Variants in GGA1 observed in about 807,000 individuals in gnomAD.
GGA1 encodes the protein golgi associated, gamma adaptin ear containing, ARF binding protein 1.
In GGA1, 18 loss-of-function variants were observed where a neutral mutation model predicts 76.9. The ratio of observed to expected loss-of-function variants is 0.23; its 90% CI spans 0.16 to 0.35. GGA1 has a LOEUF of 0.35. Among genes scored for constraint, GGA1 ranks in the 10% least tolerant of loss-of-function variants. The pLI is 1.00. For missense variants in GGA1, 755 were observed against 859.0 expected, an observed-to-expected ratio of 0.88 and a Z score of 1.51; for synonymous variants, 342 against 354.7, an observed-to-expected ratio of 0.96 and a Z score of 0.40.
rs140224433 is a variant in GGA1, at chr22:37,618,534, C to T, written c.291C>T (p.Val97=). ...GCTTTCTCAACGAGCTCATCAAGGT[C>T]GTGTCTCCCAAGGTTGGTGCCCCCA... is the stretch of plus-strand genomic sequence containing the variant. ...KFRFLNELIK[V]VSPKYLGSRT... The change falls in exon 4 of 17, where the codon GTC becomes GTT. Residue 97 remains valine (V), a synonymous_variant. Transcript: ENST00000343632. 1.9e-6 allele frequency: 3 copies of T among 1,609,016 alleles called. No homozygotes were observed. The highest frequency in any genetic ancestry group is 2.6e-6 in the Non-Finnish European group (3 of 1,175,384).
Position 37,617,826 on chromosome 22 carries a change from A to G in GGA1, c.205-622A>G, listed in dbSNP as rs368665479. On this transcript the variant is annotated intron_variant, in intron 3 of 16. Coordinates refer to ENST00000343632, the MANE Select transcript of GGA1 (RefSeq NM_013365.5). ...GGTGTTGCCTATATAAGGTTTTTTT[A>G]AAAAAGGAAAAATAGGCCGGGCTGG... The G allele has an allele frequency of 1.3e-4, 117 of 920,566 alleles. 2 individuals are homozygous for G. The South Asian group carries it at 5.0e-3, about 39-fold the overall frequency. 57.0% of individuals were successfully genotyped at this position (920,566 alleles called of 1,614,324 possible). A position where few individuals can be genotyped will look rare whatever the true frequency, so the allele number is the denominator to read the frequency against.
At position 37,624,929 on chromosome 22, in the gene GGA1, C is replaced by T; in HGVS notation, c.833-40C>T. On this transcript the variant is annotated intron_variant, in intron 9 of 16. Transcript: ENST00000343632. This position sits in a 1 kb window ranked among gnomAD's most constrained non-coding sequence, Gnocchi z 4.3. ...GTCCCCTGCCGCCCAGAGGCCCCCA[C>T]AGTCCTTCAGCCTGGCCTCTCCCCT... is the stretch of plus-strand genomic sequence containing the variant. 6.5e-7 allele frequency: 1 copy of T among 1,548,182 alleles called. No homozygotes were observed. Among genetic ancestry groups the T allele is most frequent in the Non-Finnish European group, 8.7e-7 (1 of 1,144,720 alleles).
Position 37,608,882 on chromosome 22 carries a change from G to A in GGA1, c.22G>A (p.Glu8Lys). 7.6e-7 allele frequency: 1 copy of A among 1,310,590 alleles called. No individual in the cohort carries two copies. Among genetic ancestry groups the A allele is most frequent in the South Asian group, 2.2e-5 (1 of 45,030 alleles). 81.2% of individuals were successfully genotyped at this position (1,310,590 alleles called of 1,614,324 possible). The change falls in exon 1 of 17, where the codon GAG (glutamate) becomes AAG (lysine). Residue 8 changes from glutamate (E) to lysine (K), a missense_variant. By Grantham distance (56) the Glu-to-Lys change is moderately conservative (BLOSUM62 1). Transcript: ENST00000343632. Reference protein sequence around the residue: MEPAMEPETLEARINRAT... With the variant: MEPAMEPKTLEARINRAT... ...GCGGATGGAGCCCGCGATGGAGCCGGAGACTCTGGAGGCGCGAATCAGTGA... is the reference window on the plus strand; with the variant it reads ...GCGGATGGAGCCCGCGATGGAGCCGAAGACTCTGGAGGCGCGAATCAGTGA...
At chr22:37,628,025 C>A (rs989754104) in intron 11 of GGA1, among the ~76,000 whole-genome samples, 9 of 152,204 alleles carry the variant, frequency 5.9e-5, no homozygotes, top group Non-Finnish European at 1.3e-4. Context: ...CACGGTTTCA[C>A]CTGTGTTGGC....
At chr22:37,616,597 C>T (rs1226819589) in intron 2 of GGA1, among the ~76,000 whole-genome samples, 1 of 152,196 alleles carries the variant, frequency 6.6e-6, no homozygotes, top group Non-Finnish European at 1.5e-5. Context: ...GCAAGCCAAG[C>T]CAAGGACGTG....
In GGA1 at chr22:37,630,132, G is replaced by A. The variant is rs1931540055; in HGVS notation, c.1293G>A (p.Leu431=). 6.2e-7 allele frequency: 1 copy of A among 1,601,034 alleles called. No homozygotes were observed. Among genetic ancestry groups the A allele is most frequent in the Admixed American group, 1.7e-5 (1 of 57,744 alleles). ...DDLDLLGKTL[L]QQSLPPESQQ... ...TAGACCTCCTGGGGAAGACCCTCCT[G>A]CAGCAGTCGCTGCCCCCGGAATCCC... The change falls in exon 13 of 17, where the codon CTG becomes CTA. Residue 431 remains leucine, a synonymous_variant. Coordinates refer to ENST00000343632, the MANE Select transcript of GGA1 (RefSeq NM_013365.5).
rs1454020591 is a variant in GGA1 at position 37,629,447 on chromosome 22, C to T, written c.1094-15C>T. On this transcript the variant is annotated splice_polypyrimidine_tract_variant and intron_variant, in intron 11 of 16. Transcript: ENST00000343632. ...TCAGCCCAGCTCCTTCACCTCTCTCCTGCTTTCCCCTCAGGCCTCAGTGAC... is the reference window on the plus strand; with the variant it reads ...TCAGCCCAGCTCCTTCACCTCTCTCTTGCTTTCCCCTCAGGCCTCAGTGAC... 3.8e-6 allele frequency: 6 copies of T among 1,586,878 alleles called. No individual in the cohort carries two copies. Among genetic ancestry groups the T allele is most frequent in the South Asian group, 1.1e-5 (1 of 87,872 alleles).
chr22:37,609,440 C>G, intron 1 of GGA1: 4 of 538,196 alleles, frequency 7.4e-6, no homozygotes, highest in Non-Finnish European at 1.0e-5. Flanking sequence ...CTCCTAGTCT[C>G]TAGCCACATA....
rs1930614774 is a variant in GGA1, at chr22:37,625,275, G to A, written c.940+199G>A. 6.6e-6 allele frequency among the ~76,000 whole-genome samples: 1 copy of A among 152,146 alleles called. No homozygotes were observed. Among genetic ancestry groups the A allele is most frequent in the South Asian group, 2.1e-4 (1 of 4,824 alleles). Reference sequence around the variant, plus strand: ...GCAGCTGTGGGGGAAGAAGTCTGGTGGGGGAGCTGAGGGTTTGGTGAGGAC... The same window carrying A: ...GCAGCTGTGGGGGAAGAAGTCTGGTAGGGGAGCTGAGGGTTTGGTGAGGAC... On this transcript the variant is annotated intron_variant, in intron 10 of 16. Transcript: ENST00000343632. The surrounding 1 kb of genome is among the most constrained non-coding windows in gnomAD (Gnocchi z 4.1).
chr22:37,627,318 G>A (rs73422720), intron 11 of GGA1, among the ~76,000 whole-genome samples: 5,241 of 152,188 alleles, frequency 0.034, 306 homozygotes, highest in African/African-American at 0.12. Flanking sequence ...ATGAGGACCC[G>A]GAGTGTGGAG....
chr22:37,617,939 T>G (rs1419859123), intron 3 of GGA1: 1 of 159,730 alleles, frequency 6.3e-6, no homozygotes, highest in Non-Finnish European at 1.3e-5. Flanking sequence ...CTGACCAACA[T>G]GGAGAAGCCC....
In GGA1 at chr22:37,623,311, G is replaced by A; in HGVS notation, c.610-16G>A. 6.2e-7 allele frequency: 1 copy of A among 1,613,652 alleles called. No homozygotes were observed. Among genetic ancestry groups the A allele is most frequent in the South Asian group, 1.1e-5 (1 of 91,076 alleles). The stretch of plus-strand genomic sequence containing the variant: ...GGCCAAAGGTTCTCAGGGGCCCTTG[G>A]CCAATGTGTCCCCAGGACCAGAAGC... On this transcript the variant is annotated splice_polypyrimidine_tract_variant and intron_variant, in intron 7 of 16. Coordinates refer to ENST00000343632, the MANE Select transcript of GGA1 (RefSeq NM_013365.5). The surrounding 1 kb of genome is among the most constrained non-coding windows in gnomAD (Gnocchi z 4.6).
At position 37,609,309 on chromosome 22, in the gene GGA1, G is replaced by C. The variant is rs1927019320; in HGVS notation, c.43+406G>C. On this transcript the variant is annotated intron_variant, in intron 1 of 16. Transcript: ENST00000343632. ...GGAGGGAGGGACCCTACTATTTTCA[G>C]GCCCCGAATCCTCCACTCTCTGGCC... The C allele has an allele frequency of 3.6e-6, 4 of 1,110,910 alleles. No individual in the cohort carries two copies. In the South Asian group the frequency reaches 7.5e-5, roughly 21 times the overall value. The allele number at this position is 1,110,910 out of a possible 1,614,324, so 68.8% of individuals were successfully genotyped here.
chr22:37,630,977 G>A lies in GGA1; in HGVS notation c.1406G>A (p.Ser469Asn), dbSNP rs780207604. 1.2e-6 allele frequency: 2 copies of A among 1,613,512 alleles called. No individual in the cohort carries two copies. The highest frequency in any genetic ancestry group is 2.2e-5 in the South Asian group (2 of 91,054). ...AAGAGCAGCAGCTGCAGCTCCCCCA[G>A]CTCCAGCGCCACCAGCCTTCTCCAC... ...QNKSSSCSSP[S>N]SSATSLLHTV... The change falls in exon 14 of 17, where the codon AGC (serine) becomes AAC (asparagine). Residue 469 changes from serine (S) to asparagine (N), a missense_variant. Transcript: ENST00000343632.
chr22:37,625,752 C>A lies in GGA1; in HGVS notation c.941-45C>A. 3 of 1,462,244 alleles carry A rather than the reference C, an allele frequency of 2.1e-6. No homozygotes were observed. The highest frequency in any genetic ancestry group is 1.4e-5 in the South Asian group (1 of 71,748). 90.6% of individuals were successfully genotyped at this position (1,462,244 alleles called of 1,614,324 possible). On this transcript the variant is annotated intron_variant, in intron 10 of 16. Coordinates refer to ENST00000343632, the MANE Select transcript of GGA1 (RefSeq NM_013365.5). This position sits in a 1 kb window ranked among gnomAD's most constrained non-coding sequence, Gnocchi z 4.1. ...CGCAACCCCTGTGGACTCTGAGAGA[C>A]ACGTGTACACCCAGGACTTGCCAGC...
In GGA1 at chr22:37,623,590, C is replaced by A. The variant is rs1412958047; in HGVS notation, c.789C>A (p.Leu263=). The A allele has an allele frequency of 6.2e-7, 1 of 1,605,564 alleles. No individual in the cohort carries two copies. The change falls in exon 9 of 17, where the codon CTC becomes CTA. Residue 263 remains leucine (L), a synonymous_variant. Coordinates refer to ENST00000343632, the MANE Select transcript of GGA1 (RefSeq NM_013365.5). This position sits in a 1 kb window ranked among gnomAD's most constrained non-coding sequence, Gnocchi z 4.6. ...GCTGTGAGCGGATGCGGCCCACGCT[C>A]TTCCGACTGGCGAGTGACACAGAGG... ...YQRCERMRPT[L]FRLASDTEDN...
At chr22:37,629,431 C>G in intron 11 of GGA1, 31 bp from the exon 12 acceptor site, 1 of 1,539,568 alleles carries the variant, frequency 6.5e-7, no homozygotes, top group Non-Finnish European at 8.9e-7. Flanking sequence ...GTCAGCCCAG[C>G]TCCTTCACCT....
chr22:37,624,737 A>G lies in GGA1; in HGVS notation c.833-232A>G, dbSNP rs1236211622. 1.4e-5 allele frequency: 7 copies of G among 504,946 alleles called. No individual in the cohort carries two copies. The Middle Eastern group carries it at 1.7e-3, about 124-fold the overall frequency. 31.3% of individuals were successfully genotyped at this position (504,946 alleles called of 1,614,324 possible). A position where few individuals can be genotyped will look rare whatever the true frequency, so the allele number is the denominator to read the frequency against. On this transcript the variant is annotated intron_variant, in intron 9 of 16. Transcript: ENST00000343632. The surrounding 1 kb of genome is among the most constrained non-coding windows in gnomAD (Gnocchi z 4.3). ...GAGGCCTGGAGGCGGGAGCGGGCCCAGTGTGTTGAGACAGCCCAGGCAGTA... is the reference window on the plus strand; with the variant it reads ...GAGGCCTGGAGGCGGGAGCGGGCCCGGTGTGTTGAGACAGCCCAGGCAGTA...
chr22:37,632,825 C>T lies in GGA1; in HGVS notation c.*114C>T. 2 of 676,304 alleles carry T rather than the reference C, an allele frequency of 3.0e-6. No homozygotes were observed. Among genetic ancestry groups the T allele is most frequent in the South Asian group, 1.7e-5 (1 of 59,180 alleles). 41.9% of individuals were successfully genotyped at this position (676,304 alleles called of 1,614,324 possible). A position where few individuals can be genotyped will look rare whatever the true frequency, so the allele number is the denominator to read the frequency against. On this transcript the variant is annotated 3_prime_UTR_variant, in exon 17 of 17. Coordinates refer to ENST00000343632, the MANE Select transcript of GGA1 (RefSeq NM_013365.5). This position sits in a 1 kb window ranked among gnomAD's most constrained non-coding sequence, Gnocchi z 5.1. ...TGCCCATGGCCATTCACCCCCAGGC[C>T]TGGTGCTTCTCCCCACACCCCTGTA...
Sources: allele counts gnomAD v4.1 joint callset (sites outside exome capture counted in the v4.1 genomes callset), GRCh38; gene constraint gnomAD v4.1.1; non-coding constraint Gnocchi (gnomAD v3.1); transcripts MANE v1.5; gene names NCBI Gene and HGNC (gene_info 2026-07-23, HGNC 2026-07-21).